SPATA16: variants seen among roughly 807,000 people sequenced by gnomAD.
SPATA16 encodes spermatogenesis-associated protein 16.
Under a neutral mutation model 63.3 loss-of-function variants are expected in SPATA16, and 36 were observed. The ratio of observed to expected loss-of-function variants is 0.57; its 90% confidence interval spans 0.44 to 0.75. The LOEUF (loss-of-function observed/expected upper bound fraction) is 0.75. Ranked by LOEUF, SPATA16 falls within the 30% of genes least tolerant of loss-of-function variation. The pLI, the probability that SPATA16 is intolerant of heterozygous loss-of-function variation, is 0.00. For synonymous variants in SPATA16, 203 were observed against 216.7 expected, an observed-to-expected ratio of 0.94 and a Z score of 0.56; for missense variants, 646 against 679.3, an observed-to-expected ratio of 0.95 and a Z score of 0.54.
At chr3:173,034,246 C>T (rs1735666998) in intron 3 of SPATA16, among the ~76,000 whole-genome samples, 1 of 151,948 alleles carries the variant, frequency 6.6e-6, no homozygotes, top group African/African-American at 2.4e-5. Flanking sequence ...TTTTATGCTG[C>T]CTTCAAATAG....
At chr3:173,097,831 A>G (rs1262199098) in intron 2 of SPATA16, among the ~76,000 whole-genome samples, 4 of 152,232 alleles carry the variant, frequency 2.6e-5, no homozygotes, top group African/African-American at 4.8e-5. Flanking sequence ...ATACCATTCA[A>G]CAAAGCCAGT....
intron 3 of SPATA16, among the ~76,000 whole-genome samples, chr3:173,028,013 C>CTTTCCTTCCTT (rs1735498090): frequency 2.9e-5 from 1 of 35,038 alleles, no homozygotes; most frequent in Non-Finnish European, 4.6e-5. Flanking sequence ...CTCCCTCCCT[C>CTTTCCTTCCTT]CCTTCCTTCT....
chr3:173,046,877 A>G (rs747748981), intron 3 of SPATA16, among the ~76,000 whole-genome samples: 3 of 152,018 alleles, frequency 2.0e-5, no homozygotes, highest in African/African-American at 4.8e-5. Context: ...ATTTCACTTG[A>G]TGCATTATTA....
At chr3:172,898,422 A>G (rs1577081435) in intron 10 of SPATA16, among the ~76,000 whole-genome samples, 1 of 151,918 alleles carries the variant, frequency 6.6e-6, no homozygotes, top group Non-Finnish European at 1.5e-5. Flanking sequence ...TAATGAAACT[A>G]TTTTATATTG....
intron 4 of SPATA16, among the ~76,000 whole-genome samples, chr3:173,012,376 C>T (rs1029228834): frequency 1.3e-5 from 2 of 152,178 alleles, no homozygotes; most frequent in Admixed American, 6.5e-5. Flanking sequence ...AGATTCAACA[C>T]TATTCCTATC....
chr3:172,922,391 A>G (rs980128150), intron 8 of SPATA16, among the ~76,000 whole-genome samples: 1 of 152,244 alleles, frequency 6.6e-6, no homozygotes, highest in Non-Finnish European at 1.5e-5. Context: ...TAAGAATCTC[A>G]TTAATTATGG....
chr3:173,018,786 T>C (rs754113110), intron 4 of SPATA16, among the ~76,000 whole-genome samples: 1 of 152,074 alleles, frequency 6.6e-6, no homozygotes, highest in Non-Finnish European at 1.5e-5. Flanking sequence ...GAGGAAGAAA[T>C]AACAGGCACC....
chr3:172,911,595 C>A (rs142431592), intron 10 of SPATA16, among the ~76,000 whole-genome samples: 133 of 152,240 alleles, frequency 8.7e-4, no homozygotes, highest in Non-Finnish European at 1.0e-3. Flanking sequence ...TTTCTTTCTC[C>A]CAACTGAATT....
intron 10 of SPATA16, among the ~76,000 whole-genome samples, chr3:172,893,172 A>G (rs1731929396): frequency 6.6e-6 from 1 of 152,224 alleles, no homozygotes; most frequent in Non-Finnish European, 1.5e-5. Flanking sequence ...TGTTAAAGTC[A>G]TAACCCCCAG....
intron 4 of SPATA16, among the ~76,000 whole-genome samples, chr3:172,984,342 T>C (rs1329989452): frequency 5.3e-5 from 8 of 152,144 alleles, no homozygotes; most frequent in Non-Finnish European, 1.0e-4. Flanking sequence ...CTCAGTAAAT[T>C]TTTAATAAAC....
chr3:173,132,453 T>C (rs1410258320), intron 1 of SPATA16, among the ~76,000 whole-genome samples: 2 of 152,110 alleles, frequency 1.3e-5, no homozygotes, highest in African/African-American at 4.8e-5. Flanking sequence ...TATGTAAGAA[T>C]ATACACATAG....
chr3:172,987,856 G>T (rs1159952108), intron 4 of SPATA16, among the ~76,000 whole-genome samples: 1 of 152,156 alleles, frequency 6.6e-6, no homozygotes, highest in African/African-American at 2.4e-5. Flanking sequence ...TAGAAGTAAA[G>T]AAATCAAAGC....
chr3:173,092,125 T>C (rs1350402222), intron 2 of SPATA16, among the ~76,000 whole-genome samples: 1 of 152,152 alleles, frequency 6.6e-6, no homozygotes, highest in African/African-American at 2.4e-5. Flanking sequence ...GATGCAAATA[T>C]GCTGATGCTC....
intron 10 of SPATA16, among the ~76,000 whole-genome samples, chr3:172,894,366 A>G (rs1276166899): frequency 2.6e-5 from 4 of 152,226 alleles, no homozygotes; most frequent in African/African-American, 9.6e-5. Context: ...GTATTCAAAC[A>G]GACAGACAAG....
chr3:173,048,054 A>T (rs545134894), intron 3 of SPATA16, among the ~76,000 whole-genome samples: 1 of 152,220 alleles, frequency 6.6e-6, no homozygotes, highest in African/African-American at 2.4e-5. Flanking sequence ...ATGAGTCTTA[A>T]TATAACCGAT....
At chr3:173,045,682 A>C (rs1037612519) in intron 3 of SPATA16, among the ~76,000 whole-genome samples, 1 of 152,074 alleles carries the variant, frequency 6.6e-6, no homozygotes, top group Non-Finnish European at 1.5e-5. Context: ...GCTCTGCAAC[A>C]TAACTTATGT....
At chr3:172,952,429 A>G (rs1733457007) in intron 6 of SPATA16, among the ~76,000 whole-genome samples, 1 of 152,158 alleles carries the variant, frequency 6.6e-6, no homozygotes, top group African/African-American at 2.4e-5. Flanking sequence ...ACATTCAGGA[A>G]TCTACCTTCT....
intron 4 of SPATA16, among the ~76,000 whole-genome samples, chr3:173,008,024 T>A (rs2108269656): frequency 6.6e-6 from 1 of 152,324 alleles, no homozygotes; most frequent in Admixed American, 6.5e-5. Flanking sequence ...CAAGAATTGT[T>A]AAAAATATAT....
At chr3:173,019,694 T>C in intron 3 of SPATA16, 119 bp from the exon 4 acceptor site, 1 of 909,648 alleles carries the variant, frequency 1.1e-6, no homozygotes, top group Non-Finnish European at 1.8e-6. Context: ...TTAAAGATAC[T>C]AGTGAAAGGA....
Sources: allele counts gnomAD v4.1 joint callset (sites outside exome capture counted in the v4.1 genomes callset), GRCh38; gene constraint gnomAD v4.1.1; transcripts MANE v1.5; gene names NCBI Gene and HGNC (gene_info 2026-07-23, HGNC 2026-07-21).